The following CNTNAP5 variants were observed in gnomAD, a reference collection of about 807,000 sequenced individuals.
CNTNAP5 encodes contactin-associated protein-like 5.
In CNTNAP5, 72 loss-of-function variants were observed where a neutral mutation model predicts 150.2. The ratio of observed to expected loss-of-function variants is 0.48; its 90% CI spans 0.40 to 0.58. The LOEUF is 0.58. Ranked by LOEUF, CNTNAP5 falls within the 20% of genes least tolerant of loss-of-function variation. CNTNAP5 has a pLI of 0.00. For missense variants in CNTNAP5, 1,636 were observed against 1,626.2 expected, an observed-to-expected ratio of 1.01 and a Z score of -0.10; for synonymous variants, 672 against 619.8, an observed-to-expected ratio of 1.08 and a Z score of -1.25.
intron 1 of CNTNAP5, among the ~76,000 whole-genome samples, chr2:124,199,511 G>A (rs1685668848): frequency 6.8e-6 from 1 of 147,392 alleles, no homozygotes; most frequent in Non-Finnish European, 1.5e-5. Flanking sequence ...CGCTTCCCAG[G>A]TTCAAGCGAT....
intron 10 of CNTNAP5, among the ~76,000 whole-genome samples, chr2:124,529,535 C>T (rs1021486741): frequency 3.3e-5 from 5 of 152,124 alleles, no homozygotes; most frequent in African/African-American, 1.2e-4. Flanking sequence ...GGGCAAGGGA[C>T]TGTGTTTGAG....
chr2:124,771,989 CCACCACCACCAT>C (rs1171853449), intron 16 of CNTNAP5, among the ~76,000 whole-genome samples: 1 of 151,470 alleles, frequency 6.6e-6, no homozygotes, highest in Non-Finnish European at 1.5e-5. Context: ...ATCATCATCA[CCACCACCACCAT>C]CACCATCATC....
chr2:124,311,356 C>T (rs760749821), intron 3 of CNTNAP5, among the ~76,000 whole-genome samples: 16 of 152,076 alleles, frequency 1.1e-4, no homozygotes, highest in East Asian at 1.9e-4. Flanking sequence ...TGCAGACGGC[C>T]GCCTTCTCAT....
chr2:124,247,461 G>A (rs1442920939), intron 3 of CNTNAP5, among the ~76,000 whole-genome samples: 3 of 152,116 alleles, frequency 2.0e-5, no homozygotes, highest in Admixed American at 1.3e-4. Flanking sequence ...TTGTCAGAGA[G>A]GGTGTTCCTG....
At chr2:124,585,558 G>A (rs1003799212) in intron 11 of CNTNAP5, among the ~76,000 whole-genome samples, 1 of 151,446 alleles carries the variant, frequency 6.6e-6, no homozygotes, top group Admixed American at 6.6e-5. Flanking sequence ...ACAGGGAGGG[G>A]AAGAAAAAAC....
chr2:124,372,182 C>T (rs951863099), intron 3 of CNTNAP5, among the ~76,000 whole-genome samples: 1 of 152,062 alleles, frequency 6.6e-6, no homozygotes. Context: ...TGCCCTTGGA[C>T]ATCAGACTCC....
intron 1 of CNTNAP5, among the ~76,000 whole-genome samples, chr2:124,197,472 T>A (rs1685615620): frequency 6.6e-6 from 1 of 152,228 alleles, no homozygotes; most frequent in Non-Finnish European, 1.5e-5. Flanking sequence ...TACAACAGCT[T>A]ATTTATTTTA....
chr2:124,893,032 C>T (rs577845597), intron 21 of CNTNAP5, among the ~76,000 whole-genome samples: 9 of 151,992 alleles, frequency 5.9e-5, no homozygotes, highest in East Asian at 5.8e-4. Flanking sequence ...TTAATAAGTT[C>T]GGGGGGAAAA....
intron 1 of CNTNAP5, among the ~76,000 whole-genome samples, chr2:124,154,042 T>C (rs144566016): frequency 3.3e-5 from 5 of 152,200 alleles, no homozygotes; most frequent in African/African-American, 1.2e-4. Context: ...TTTCAACATA[T>C]GAATTTTAGG....
intron 1 of CNTNAP5, among the ~76,000 whole-genome samples, chr2:124,152,538 G>T (rs1684430525): frequency 6.6e-6 from 1 of 152,132 alleles, no homozygotes; most frequent in South Asian, 2.1e-4. Flanking sequence ...TATGCTGTAT[G>T]AAATTAAAAT....
At chr2:124,820,167 A>G (rs1223760715) in intron 19 of CNTNAP5, among the ~76,000 whole-genome samples, 2 of 152,184 alleles carry the variant, frequency 1.3e-5, no homozygotes, top group Admixed American at 6.5e-5. Flanking sequence ...TGTAAGTTAT[A>G]TTAAGCCTTT....
chr2:124,176,673 T>C (rs1685071445), intron 1 of CNTNAP5, among the ~76,000 whole-genome samples: 1 of 152,054 alleles, frequency 6.6e-6, no homozygotes, highest in South Asian at 2.1e-4. Context: ...TATGATCTAA[T>C]GTTTACAGAC....
intron 3 of CNTNAP5, among the ~76,000 whole-genome samples, chr2:124,381,731 C>T (rs757683362): frequency 9.2e-5 from 14 of 152,080 alleles, no homozygotes; most frequent in Non-Finnish European, 1.8e-4. Context: ...AGTGTATTTG[C>T]TCCAGGGTTA....
intron 3 of CNTNAP5, among the ~76,000 whole-genome samples, chr2:124,358,661 A>G (rs1690098196): frequency 6.6e-6 from 1 of 152,144 alleles, no homozygotes; most frequent in African/African-American, 2.4e-5. Flanking sequence ...AGCCCACTTG[A>G]TCATGGTGGA....
At position 124,763,821 on chromosome 2, in the gene CNTNAP5, G is replaced by A. The variant is rs370903122; in HGVS notation, c.2362+22G>A. 2.5e-5 allele frequency: 41 copies of A among 1,612,344 alleles called. 1 individual carries two copies. The African/African-American group carries it at 4.5e-4, about 18-fold the overall frequency. ...GACCGTGAGTACAAAATCGAAAGAA[G>A]CTTTCTCTCTGCATTACATGAGCAC... On this transcript the variant is annotated intron_variant, in intron 15 of 23. Coordinates refer to ENST00000682447, the MANE Select transcript of CNTNAP5 (RefSeq NM_001367498.1).
intron 10 of CNTNAP5, among the ~76,000 whole-genome samples, chr2:124,536,795 G>A (rs2104901114): frequency 6.6e-6 from 1 of 152,170 alleles, no homozygotes; most frequent in Admixed American, 6.5e-5. Flanking sequence ...TGCTCCAAGG[G>A]CTCTCATGTG....
chr2:124,061,155 C>T (rs773594083), intron 1 of CNTNAP5, among the ~76,000 whole-genome samples: 1 of 152,164 alleles, frequency 6.6e-6, no homozygotes, highest in South Asian at 2.1e-4. Context: ...TCATGAGATC[C>T]TCCCTGTGCC....
rs185738679 is a variant in CNTNAP5 at position 124,502,111 on chromosome 2, G to T, written c.1063-2181G>T. 1.0e-3 allele frequency among the ~76,000 whole-genome samples: 154 copies of T among 152,236 alleles called. 3 individuals carry two copies. Among genetic ancestry groups the T allele is most frequent in the Admixed American group, 9.0e-3 (137 of 15,284 alleles). Reference sequence around the variant, plus strand: ...TCCTGCTTTCTGTTGAGCTAGGTGTGCATCCCCACTCACAACCTTATCTTA... The same window carrying T: ...TCCTGCTTTCTGTTGAGCTAGGTGTTCATCCCCACTCACAACCTTATCTTA... On this transcript the variant is annotated intron_variant, in intron 7 of 23. Transcript: ENST00000682447.
intron 3 of CNTNAP5, among the ~76,000 whole-genome samples, chr2:124,370,363 T>A (rs1690493996): frequency 6.6e-6 from 1 of 152,082 alleles, no homozygotes; most frequent in Non-Finnish European, 1.5e-5. Flanking sequence ...TGTGATGCTC[T>A]GAGGAAAAGC....
Sources: gnomAD v4.1 joint callset for allele counts (sites outside exome capture counted in the v4.1 genomes callset) on GRCh38, gnomAD v4.1.1 for gene constraint, MANE v1.5 for transcripts, NCBI Gene and HGNC (gene_info 2026-07-23, HGNC 2026-07-21) for gene names.